STK32B: variants seen among roughly 807,000 people sequenced by gnomAD.
The protein encoded by STK32B is serine/threonine-protein kinase 32B.
A neutral mutation model predicts 52.6 loss-of-function variants in STK32B; 43 were observed. That is an observed-to-expected ratio of 0.82 (90% CI 0.64 to 1.05). The LOEUF is 1.05. Ranked by LOEUF, STK32B falls within the 50% of genes least tolerant of loss-of-function variation. The pLI is 0.00. For synonymous variants in STK32B, 238 were observed against 204.3 expected, an observed-to-expected ratio of 1.17 and a Z score of -1.41; for missense variants, 621 against 534.6, an observed-to-expected ratio of 1.16 and a Z score of -1.59.
intron 3 of STK32B, among the ~76,000 whole-genome samples, chr4:5,324,987 C>T (rs945682018): frequency 1.3e-5 from 2 of 152,170 alleles, no homozygotes; most frequent in Non-Finnish European, 1.5e-5. Context: ...GCTGTGCGTG[C>T]GAGCCTGTCT....
intron 3 of STK32B, among the ~76,000 whole-genome samples, chr4:5,231,142 G>A (rs966467424): frequency 6.6e-6 from 1 of 152,166 alleles, no homozygotes; most frequent in Non-Finnish European, 1.5e-5. Flanking sequence ...AGGATTTTAT[G>A]CCTTCTTTTG....
chr4:5,164,961 G>A (rs1244106633), intron 2 of STK32B, among the ~76,000 whole-genome samples: 1 of 152,182 alleles, frequency 6.6e-6, no homozygotes, highest in Non-Finnish European at 1.5e-5. Context: ...GGTCAGTGAG[G>A]AAGCAAGTCC....
intron 3 of STK32B, among the ~76,000 whole-genome samples, chr4:5,214,998 C>G (rs1222320563): frequency 6.6e-6 from 1 of 152,182 alleles, no homozygotes. Context: ...AGAGATGGAT[C>G]ATTGCTTTTA....
intron 1 of STK32B, among the ~76,000 whole-genome samples, chr4:5,088,293 A>C (rs150210448): frequency 1.3e-5 from 2 of 152,072 alleles, no homozygotes; most frequent in African/African-American, 4.8e-5. Context: ...AAAAATCAAA[A>C]CAATTGAACT....
intron 3 of STK32B, among the ~76,000 whole-genome samples, chr4:5,250,310 C>CT (rs143911318): frequency 0.084 from 10,043 of 119,218 alleles, 590 homozygotes; most frequent in African/African-American, 0.13. Context: ...GTTTTAAGTT[C>CT]TTTTTTTTTT....
intron 11 of STK32B, among the ~76,000 whole-genome samples, chr4:5,490,249 G>A (rs1358175503): frequency 6.6e-6 from 1 of 152,018 alleles, no homozygotes; most frequent in African/African-American, 2.4e-5. Context: ...TGGGATTACA[G>A]GTGTGTGCCA....
intron 4 of STK32B, among the ~76,000 whole-genome samples, chr4:5,365,151 A>G (rs1560355238): frequency 6.6e-6 from 1 of 152,222 alleles, no homozygotes; most frequent in South Asian, 2.1e-4. Flanking sequence ...TGCTGGGATT[A>G]CAGGCATGAG....
At chr4:5,128,537 G>A (rs78282059) in intron 1 of STK32B, among the ~76,000 whole-genome samples, 1,941 of 141,094 alleles carry the variant, frequency 0.014, 45 homozygotes, top group African/African-American at 0.047. Flanking sequence ...AGTGTGGAGC[G>A]AGGGGTAAAA....
At chr4:5,464,922 G>C (rs1381758316) in intron 9 of STK32B, among the ~76,000 whole-genome samples, 1 of 152,176 alleles carries the variant, frequency 6.6e-6, no homozygotes, top group African/African-American at 2.4e-5. Context: ...CTGGGCCTGA[G>C]ATTCAACTTG....
chr4:5,042,158 G>C, the STK32B span, among the ~76,000 whole-genome samples: 2 of 152,302 alleles, frequency 1.3e-5, no homozygotes, highest in African/African-American at 4.8e-5. Flanking sequence ...GTCAGAAAAA[G>C]AATCCCAGTT....
intron 3 of STK32B, among the ~76,000 whole-genome samples, chr4:5,189,015 A>T (rs923114173): frequency 3.2e-4 from 41 of 127,802 alleles, no homozygotes; most frequent in African/African-American, 1.0e-3. Flanking sequence ...GGTATAATTT[A>T]AAAAAAAAAA....
chr4:5,147,682 A>G (rs1385716089), intron 2 of STK32B, among the ~76,000 whole-genome samples: 1 of 151,902 alleles, frequency 6.6e-6, no homozygotes, highest in Non-Finnish European at 1.5e-5. Context: ...AAATGATCAT[A>G]TTTTTTCTCC....
Position 5,399,954 on chromosome 4 carries a change from G to A in STK32B, c.472+1710G>A, listed in dbSNP as rs1205622727. ...TTCTGCTTAGCTGTCTGGAAAGCAG[G>A]GGTCTGGAAGGCTGGGTTCCAGGCA... On this transcript the variant is annotated intron_variant, in intron 5 of 11. Coordinates refer to ENST00000282908, the MANE Select transcript of STK32B (RefSeq NM_018401.3). This position sits in a 1 kb window ranked among gnomAD's most constrained non-coding sequence, Gnocchi z 5.4. 2.0e-5 allele frequency among the ~76,000 whole-genome samples: 3 copies of A among 152,280 alleles called. No individual in the cohort carries two copies. Among genetic ancestry groups the A allele is most frequent in the Admixed American group, 6.5e-5 (1 of 15,302 alleles).
rs532339514 is a variant in STK32B at position 5,146,360 on chromosome 4, G to T, written c.108+6400G>T. ...CCTGAGAGCCCCTGGCAAACCACTGGTGTAAGTCCAAGAATCCAAAAGCCG... is the reference window on the plus strand; with the variant it reads ...CCTGAGAGCCCCTGGCAAACCACTGTTGTAAGTCCAAGAATCCAAAAGCCG... On this transcript the variant is annotated intron_variant, in intron 2 of 11. Coordinates refer to ENST00000282908, the MANE Select transcript of STK32B (RefSeq NM_018401.3). 9.9e-5 allele frequency among the ~76,000 whole-genome samples: 15 copies of T among 152,268 alleles called. No homozygotes were observed. The South Asian group carries it at 3.1e-3, about 32-fold the overall frequency.
At chr4:5,420,802 G>T (rs777902264) in intron 6 of STK32B, among the ~76,000 whole-genome samples, 1 of 152,186 alleles carries the variant, frequency 6.6e-6, no homozygotes, top group East Asian at 1.9e-4. Context: ...CTACCGATTC[G>T]TTCTGACTGC....
intron 1 of STK32B, among the ~76,000 whole-genome samples, chr4:5,092,804 A>G (rs949862199): frequency 6.6e-6 from 1 of 152,066 alleles, no homozygotes; most frequent in Non-Finnish European, 1.5e-5. Context: ...TCATGATCCA[A>G]TCACCTCCCA....
At chr4:5,489,579 T>G (rs978959544) in intron 11 of STK32B, among the ~76,000 whole-genome samples, 4 of 152,184 alleles carry the variant, frequency 2.6e-5, no homozygotes, top group Non-Finnish European at 5.9e-5. Context: ...GAAGACATTT[T>G]AAATTTTATT....
chr4:5,443,617 C>T (rs1715014466), intron 6 of STK32B, among the ~76,000 whole-genome samples: 1 of 152,232 alleles, frequency 6.6e-6, no homozygotes, highest in African/African-American at 2.4e-5. Flanking sequence ...AGTCATTCTC[C>T]ATCCAGCTTT....
At chr4:5,021,340 T>C in the STK32B span, among the ~76,000 whole-genome samples, 1 of 152,214 alleles carries the variant, frequency 6.6e-6, no homozygotes, top group African/African-American at 2.4e-5. Context: ...TTTAGCAAGA[T>C]GACATAGGGA....
Sources: allele counts gnomAD v4.1 joint callset (sites outside exome capture counted in the v4.1 genomes callset), GRCh38; gene constraint gnomAD v4.1.1; non-coding constraint Gnocchi (gnomAD v3.1); transcripts MANE v1.5; gene names NCBI Gene and HGNC (gene_info 2026-07-23, HGNC 2026-07-21).